The following COX7B2 variants were observed in gnomAD, a reference collection of about 807,000 sequenced individuals.
COX7B2 encodes cytochrome c oxidase subunit 7B2, mitochondrial.
For missense variants in COX7B2, 109 were observed against 95.9 expected, an observed-to-expected ratio of 1.14 and a Z score of -0.57; for synonymous variants, 37 against 32.1, an observed-to-expected ratio of 1.15 and a Z score of -0.51.
At chr4:46,837,918 C>G (rs1715647641) in intron 2 of COX7B2, among the ~76,000 whole-genome samples, 1 of 151,908 alleles carries the variant, frequency 6.6e-6, no homozygotes, top group Admixed American at 6.6e-5. Flanking sequence ...GTCAGAACTT[C>G]TCAATCTAAA....
At chr4:46,754,718 G>GTATATATATATATATATATA (rs1235318797) in intron 2 of COX7B2, among the ~76,000 whole-genome samples, 4 of 35,072 alleles carry the variant, frequency 1.1e-4, no homozygotes, top group Admixed American at 4.3e-4. Flanking sequence ...GTGTGTGTGT[G>GTATATATATATATATATATA]TGTGTGTGTG....
intron 2 of COX7B2, among the ~76,000 whole-genome samples, chr4:46,831,968 G>A (rs577856305): frequency 5.3e-5 from 8 of 152,060 alleles, no homozygotes; most frequent in Non-Finnish European, 8.8e-5. Flanking sequence ...GAACTTTTGT[G>A]TCTAGCTCAG....
In COX7B2 at chr4:46,769,685, A is replaced by G. The variant is rs1716758081; in HGVS notation, c.-49-34444T>C. On this transcript the variant is annotated intron_variant, in intron 2 of 2. Coordinates refer to ENST00000355591, the MANE Select transcript of COX7B2 (RefSeq NM_130902.3). ...GAGTCAAGATCACACACTACACTCC[A>G]TCATGGGTGACAGAGTGAGACTCTG... Among the ~76,000 whole-genome samples the G allele has an allele frequency of 1.3e-5, 2 of 152,226 alleles. 1 individual carries two copies. The highest frequency in any genetic ancestry group is 4.1e-4 in the South Asian group (2 of 4,834).
At chr4:46,769,122 G>C (rs1716721910) in intron 2 of COX7B2, among the ~76,000 whole-genome samples, 1 of 151,862 alleles carries the variant, frequency 6.6e-6, no homozygotes, top group Non-Finnish European at 1.5e-5. Context: ...ATAACTTAAA[G>C]TATAATAATA....
At chr4:46,809,399 A>G (rs1240294504) in intron 2 of COX7B2, among the ~76,000 whole-genome samples, 1 of 151,770 alleles carries the variant, frequency 6.6e-6, no homozygotes, top group African/African-American at 2.4e-5. Context: ...TTTTTAATGT[A>G]GGCGTTTATT....
At chr4:46,855,969 C>T (rs1221600269) in intron 1 of COX7B2, among the ~76,000 whole-genome samples, 1 of 151,924 alleles carries the variant, frequency 6.6e-6, no homozygotes, top group African/African-American at 2.4e-5. Flanking sequence ...CCTGGCTGGG[C>T]GCGGTGGCTC....
At chr4:46,785,258 T>C (rs1407141832) in intron 2 of COX7B2, among the ~76,000 whole-genome samples, 1 of 152,180 alleles carries the variant, frequency 6.6e-6, no homozygotes, top group Non-Finnish European at 1.5e-5. Context: ...ATGCCATCAA[T>C]GATGTAGAAA....
At chr4:46,758,960 T>A (rs1715964321) in intron 2 of COX7B2, among the ~76,000 whole-genome samples, 1 of 152,062 alleles carries the variant, frequency 6.6e-6, no homozygotes, top group Middle Eastern at 3.2e-3. Flanking sequence ...CAAAACTGCC[T>A]AAAGGGGCAC....
At chr4:46,832,760 C>CT (rs1330336731) in intron 2 of COX7B2, among the ~76,000 whole-genome samples, 2 of 152,072 alleles carry the variant, frequency 1.3e-5, no homozygotes, top group Non-Finnish European at 2.9e-5. Flanking sequence ...AATCTGGGAC[C>CT]TCCCCACTCT....
chr4:46,836,914 C>T (rs1393775866), intron 2 of COX7B2, among the ~76,000 whole-genome samples: 1 of 152,036 alleles, frequency 6.6e-6, no homozygotes, highest in African/African-American at 2.4e-5. Flanking sequence ...CATATGCAGC[C>T]TACCCTTAAT....
intron 2 of COX7B2, among the ~76,000 whole-genome samples, chr4:46,768,659 C>G (rs530909328): frequency 6.6e-6 from 1 of 152,022 alleles, no homozygotes; most frequent in Non-Finnish European, 1.5e-5. Flanking sequence ...AATAAACAAT[C>G]TAACTTTAAT....
intron 2 of COX7B2, among the ~76,000 whole-genome samples, chr4:46,805,428 CTA>C: frequency 6.6e-6 from 1 of 152,334 alleles, no homozygotes; most frequent in East Asian, 1.9e-4. Context: ...GTGTGTGAGA[CTA>C]TGTTATAGAT....
At position 46,864,012 on chromosome 4, in the gene COX7B2, C is replaced by T. The variant is rs1009741040; in HGVS notation, c.-104-18998G>A. On this transcript the variant is annotated intron_variant, in intron 1 of 2. Coordinates refer to ENST00000355591, the MANE Select transcript of COX7B2 (RefSeq NM_130902.3). The stretch of plus-strand genomic sequence containing the variant: ...GGGGCCGGACATGCCTCACTATGCC[C>T]GCTATTTGGAATTTAGGTCACGTTC... Among the ~76,000 whole-genome samples, 5 of 152,058 alleles carry T rather than the reference C, an allele frequency of 3.3e-5. 1 individual carries two copies. The highest frequency in any genetic ancestry group is 4.1e-4 in the South Asian group (2 of 4,820).
chr4:46,821,056 G>GCCC (rs1005964273), intron 2 of COX7B2, among the ~76,000 whole-genome samples: 1 of 152,040 alleles, frequency 6.6e-6, no homozygotes, highest in African/African-American at 2.4e-5. Context: ...GCCTTATGCT[G>GCCC]CCCTTGCTTC....
chr4:46,767,602 C>CA (rs34925385), intron 2 of COX7B2, among the ~76,000 whole-genome samples: 1 of 151,720 alleles, frequency 6.6e-6, no homozygotes, highest in African/African-American at 2.4e-5. Context: ...TATTAGGCTA[C>CA]AAAAAAAGTC....
chr4:46,749,003 T>G lies in COX7B2; in HGVS notation c.-49-13762A>C, dbSNP rs1341061760. Among the ~76,000 whole-genome samples the G allele has an allele frequency of 2.0e-5, 3 of 152,164 alleles. No individual in the cohort carries two copies. In the East Asian group the frequency reaches 5.8e-4, roughly 29 times the overall value. On this transcript the variant is annotated intron_variant, in intron 2 of 2. Coordinates refer to ENST00000355591, the MANE Select transcript of COX7B2 (RefSeq NM_130902.3). ...TTCCTTCCCAACATTTCTCCTAAAA[T>G]AGCTCAAAGTGTCTGCAAAATCAAT...
At chr4:46,846,472 G>A (rs1716284717) in intron 1 of COX7B2, among the ~76,000 whole-genome samples, 1 of 151,900 alleles carries the variant, frequency 6.6e-6, no homozygotes, top group Non-Finnish European at 1.5e-5. Context: ...AAGGTGAATA[G>A]GGTAGGACTC....
intron 1 of COX7B2, among the ~76,000 whole-genome samples, chr4:46,884,097 A>G (rs756159682): frequency 2.0e-5 from 3 of 151,898 alleles, no homozygotes; most frequent in African/African-American, 4.8e-5. Flanking sequence ...GAAATGAGAA[A>G]TCTAAACCTC....
chr4:46,825,020 G>A (rs1457820164), intron 2 of COX7B2, among the ~76,000 whole-genome samples: 1 of 151,690 alleles, frequency 6.6e-6, no homozygotes, highest in Non-Finnish European at 1.5e-5. Context: ...ACACAATATT[G>A]GAAGTCCTAA....
Sources: allele counts gnomAD v4.1 joint callset (sites outside exome capture counted in the v4.1 genomes callset), GRCh38; gene constraint gnomAD v4.1.1; transcripts MANE v1.5; gene names NCBI Gene and HGNC (gene_info 2026-07-23, HGNC 2026-07-21).